CLIC4: variants seen among roughly 807,000 people sequenced by gnomAD.
CLIC4 encodes the protein chloride intracellular channel protein 4.
In CLIC4, 13 loss-of-function variants were observed where a neutral mutation model predicts 24.6. That is an observed-to-expected ratio of 0.53 (90% CI 0.34 to 0.84). The LOEUF (loss-of-function observed/expected upper bound fraction) is 0.84. Among genes scored for constraint, CLIC4 ranks in the 40% least tolerant of loss-of-function variants. The pLI, the probability that CLIC4 is intolerant of heterozygous loss-of-function variation, is 0.01. For missense variants in CLIC4, 227 were observed against 301.7 expected, an observed-to-expected ratio of 0.75 and a Z score of 1.83; for synonymous variants, 104 against 111.3, an observed-to-expected ratio of 0.93 and a Z score of 0.41.
intron 2 of CLIC4, among the ~76,000 whole-genome samples, chr1:24,800,473 C>T (rs1330616049): frequency 1.3e-5 from 2 of 151,134 alleles, no homozygotes; most frequent in East Asian, 2.0e-4. Context: ...GGCCAGCCGC[C>T]CCGTCCGGGA....
chr1:24,776,989 A>G (rs771934103), intron 1 of CLIC4, among the ~76,000 whole-genome samples: 9 of 152,252 alleles, frequency 5.9e-5, no homozygotes, highest in Non-Finnish European at 1.2e-4. Context: ...TAATGCAACA[A>G]TGGCCTCGGG....
intron 1 of CLIC4, among the ~76,000 whole-genome samples, chr1:24,777,592 A>G (rs145323729): frequency 1.3e-5 from 2 of 152,290 alleles, no homozygotes; most frequent in Non-Finnish European, 2.9e-5. Flanking sequence ...CAGGTACATC[A>G]TCTTTAGTAT....
chr1:24,822,089 T>C (rs1639740197), intron 3 of CLIC4, among the ~76,000 whole-genome samples: 1 of 152,236 alleles, frequency 6.6e-6, no homozygotes, highest in South Asian at 2.1e-4. Context: ...AGGGATACTT[T>C]TGAAGCCACA....
At chr1:24,779,128 G>T (rs1208932299) in intron 1 of CLIC4, among the ~76,000 whole-genome samples, 1 of 152,004 alleles carries the variant, frequency 6.6e-6, no homozygotes, top group Admixed American at 6.6e-5. Context: ...GAATAGAAAA[G>T]AAAAACATGC....
chr1:24,798,978 G>A (rs1286112398), intron 2 of CLIC4, among the ~76,000 whole-genome samples: 2 of 152,244 alleles, frequency 1.3e-5, no homozygotes, highest in African/African-American at 4.8e-5. Context: ...GTGCAGTGGC[G>A]TGATCTCGGC....
At chr1:24,783,322 A>G (rs1262497396) in intron 1 of CLIC4, among the ~76,000 whole-genome samples, 1 of 152,172 alleles carries the variant, frequency 6.6e-6, no homozygotes, top group East Asian at 1.9e-4. Flanking sequence ...TCTGCTAGTC[A>G]GGTATTAGCC....
intron 1 of CLIC4, among the ~76,000 whole-genome samples, chr1:24,779,494 C>T (rs1321656875): frequency 6.6e-6 from 1 of 152,060 alleles, no homozygotes; most frequent in Non-Finnish European, 1.5e-5. Context: ...AAATAATCTC[C>T]TGTCCCTACC....
chr1:24,749,490 A>G (rs187891654), intron 1 of CLIC4, among the ~76,000 whole-genome samples: 32 of 152,340 alleles, frequency 2.1e-4, no homozygotes, highest in African/African-American at 6.7e-4. Context: ...CTTCTCAAAT[A>G]GTATGACTGA....
chr1:24,792,738 G>A (rs1639354538), intron 1 of CLIC4, among the ~76,000 whole-genome samples: 6 of 152,138 alleles, frequency 3.9e-5, no homozygotes, highest in African/African-American at 9.7e-5. Flanking sequence ...GATGTGTAAC[G>A]AGCTTCTGAT....
chr1:24,757,350 T>G (rs1299206428), intron 1 of CLIC4, among the ~76,000 whole-genome samples: 2 of 152,178 alleles, frequency 1.3e-5, no homozygotes, highest in African/African-American at 4.8e-5. Flanking sequence ...TTTAAGGATT[T>G]GTGAATTCTC....
chr1:24,753,101 T>TTCTAATGTGAGG (rs1479787517), intron 1 of CLIC4, among the ~76,000 whole-genome samples: 1 of 152,074 alleles, frequency 6.6e-6, no homozygotes, highest in Non-Finnish European at 1.5e-5. Flanking sequence ...CAGTAAAAAA[T>TTCTAATGTGAGG]TCTAATGTGA....
chr1:24,780,749 T>C (rs78725956), intron 1 of CLIC4, among the ~76,000 whole-genome samples: 3,099 of 152,262 alleles, frequency 0.02, 100 homozygotes, highest in African/African-American at 0.071. Context: ...TACAAGATCG[T>C]CTAATAAGTT....
At chr1:24,803,123 A>G (rs1442448257) in intron 2 of CLIC4, among the ~76,000 whole-genome samples, 1 of 152,232 alleles carries the variant, frequency 6.6e-6, no homozygotes, top group Non-Finnish European at 1.5e-5. Flanking sequence ...ACAACCCACC[A>G]GTATATATGA....
Position 24,745,958 on chromosome 1 carries a change from C to T in CLIC4, c.72+333C>T, listed in dbSNP as rs573939457. On this transcript the variant is annotated intron_variant, in intron 1 of 5. Transcript: ENST00000374379. ...TGCCCCGGGGCCCCAGCGCCGGGCG[C>T]GCGCGGGTCCTGTCACCACCCCCCG... 3.1e-3 allele frequency among the ~76,000 whole-genome samples: 462 copies of T among 150,408 alleles called. 1 individual carries two copies. The highest frequency in any genetic ancestry group is 0.01 in the African/African-American group (432 of 41,302).
At position 24,765,670 on chromosome 1, in the gene CLIC4, C is replaced by T. The variant is rs572082132; in HGVS notation, c.72+20045C>T. Among the ~76,000 whole-genome samples the T allele has an allele frequency of 7.2e-5, 11 of 152,196 alleles. No homozygotes were observed. In the East Asian group the frequency reaches 7.7e-4, roughly 11 times the overall value. On this transcript the variant is annotated intron_variant, in intron 1 of 5. Coordinates refer to ENST00000374379, the MANE Select transcript of CLIC4 (RefSeq NM_013943.3). The stretch of plus-strand genomic sequence containing the variant: ...CAGGAACCCCTGTGTTAGATTATAC[C>T]GTTGCCTCCGTATTGCATGTAAAAA...
At position 24,841,726 on chromosome 1, in the gene CLIC4, T is replaced by A. The variant is rs971927839; in HGVS notation, c.*789T>A. On this transcript the variant is annotated 3_prime_UTR_variant, in exon 6 of 6. Transcript: ENST00000374379. ...TCTAAATACGTTTGTTATATGTGTT[T>A]TGCCCTGTGCCATTCATTTGGAACT... is the stretch of plus-strand genomic sequence containing the variant. 1.3e-5 allele frequency: 2 copies of A among 152,636 alleles called. No individual in the cohort carries two copies. Among genetic ancestry groups the A allele is most frequent in the African/African-American group, 4.8e-5 (2 of 41,454 alleles). The allele number at this position is 152,636 out of a possible 1,614,324, so 9.5% of individuals were successfully genotyped here.
intron 1 of CLIC4, among the ~76,000 whole-genome samples, chr1:24,748,534 G>T (rs1638736195): frequency 7.5e-6 from 1 of 132,726 alleles, no homozygotes. Flanking sequence ...ATGAGATGGT[G>T]TCTCGCTCTG....
chr1:24,808,455 G>A (rs761781150), intron 2 of CLIC4, among the ~76,000 whole-genome samples: 47 of 151,948 alleles, frequency 3.1e-4, no homozygotes, highest in Admixed American at 1.2e-3. Flanking sequence ...TGTGTTTAGG[G>A]AATAATGACA....
At chr1:24,803,016 A>G (rs1460440106) in intron 2 of CLIC4, among the ~76,000 whole-genome samples, 2 of 152,154 alleles carry the variant, frequency 1.3e-5, no homozygotes, top group African/African-American at 4.8e-5. Context: ...GCCTCGTCCA[A>G]ATCTTTTCTA....
Sources: allele counts gnomAD v4.1 joint callset (sites outside exome capture counted in the v4.1 genomes callset), GRCh38; gene constraint gnomAD v4.1.1; transcripts MANE v1.5; gene names NCBI Gene and HGNC (gene_info 2026-07-23, HGNC 2026-07-21).